MDN1: variants seen among roughly 807,000 people sequenced by gnomAD.
MDN1 encodes the protein midasin.
Under a neutral mutation model 669.2 loss-of-function variants are expected in MDN1, and 266 were observed. The observed-to-expected ratio is 0.40, with a 90% CI of 0.36 to 0.44. The LOEUF is 0.44. Among genes scored for constraint, MDN1 ranks in the 20% least tolerant of loss-of-function variants. MDN1 has a pLI of 1.00. For synonymous variants in MDN1, 2,385 were observed against 2,457.1 expected (o/e 0.97, Z 0.87); for missense variants, 5,940 against 6,754.0 (o/e 0.88, Z 4.22).
intron 31 of MDN1, among the ~76,000 whole-genome samples, chr6:89,741,823 G>A (rs189278977): frequency 4.6e-5 from 7 of 152,222 alleles, no homozygotes; most frequent in East Asian, 1.9e-4. Flanking sequence ...AGCCTCGGCC[G>A]GGCACAGTGG....
At chr6:89,719,397 T>C (rs1814658629) in intron 40 of MDN1, among the ~76,000 whole-genome samples, 172 bp from the exon 41 acceptor site, 1 of 152,372 alleles carries the variant, frequency 6.6e-6, no homozygotes, top group Admixed American at 6.5e-5. Context: ...ATTTATTTAA[T>C]TCTTTGGAAT....
intron 10 of MDN1, 93 bp downstream of exon 10, chr6:89,781,306 G>A (rs746534906): frequency 1.6e-6 from 2 of 1,274,884 alleles, no homozygotes; most frequent in Non-Finnish European, 2.2e-6. Flanking sequence ...AGCCAAAACT[G>A]CACCACTGCA....
chr6:89,695,605 C>A lies in MDN1; in HGVS notation c.9771G>T (p.Glu3257Asp). The change falls in exon 61 of 102, where the codon GAG becomes GAT. Residue 3257 changes from glutamate to aspartate, a missense_variant and splice_region_variant. By Grantham distance (45) the Glu-to-Asp change is conservative (BLOSUM62 2). Coordinates refer to ENST00000369393, the MANE Select transcript of MDN1 (RefSeq NM_014611.3). This position sits in a 1 kb window ranked among gnomAD's most constrained non-coding sequence, Gnocchi z 4.1. ...TGCTCCATACTCTTGCCTCCCATAC[C>A]TCTTCCTTGACGTAATTGAGCTTGT... ...REYKLNYVKEELHQLQCEWKT... is the reference protein window; with the variant it reads ...REYKLNYVKEDLHQLQCEWKT... The A allele has an allele frequency of 6.3e-7, 1 of 1,586,720 alleles. No individual in the cohort carries two copies. The highest frequency in any genetic ancestry group is 1.1e-5 in the South Asian group (1 of 88,098).
chr6:89,748,866 C>T (rs1052627172), intron 26 of MDN1, among the ~76,000 whole-genome samples: 1 of 150,414 alleles, frequency 6.6e-6, no homozygotes, highest in African/African-American at 2.5e-5. Flanking sequence ...TCGAGACCAG[C>T]CGGGGCAACA....
At chr6:89,735,377 T>C (rs1815904427) in intron 33 of MDN1, among the ~76,000 whole-genome samples, 1 of 151,130 alleles carries the variant, frequency 6.6e-6, no homozygotes, top group East Asian at 1.9e-4. Flanking sequence ...AACCTTTTTT[T>C]TTTTTTTTTT....
intron 58 of MDN1, 61 bp downstream of exon 58, chr6:89,699,540 T>A: frequency 4.6e-6 from 7 of 1,531,086 alleles, no homozygotes; most frequent in Non-Finnish European, 6.2e-6. Context: ...AACCAGTCTG[T>A]CAAAGAAAAT....
chr6:89,800,561 T>G, intron 2 of MDN1, among the ~76,000 whole-genome samples: 1 of 152,192 alleles, frequency 6.6e-6, no homozygotes, highest in Admixed American at 6.6e-5. Context: ...CCCCCATACC[T>G]TGTCCTGTGC....
At chr6:89,764,375 C>T (rs930341062) in intron 15 of MDN1, among the ~76,000 whole-genome samples, 1 of 152,000 alleles carries the variant, frequency 6.6e-6, no homozygotes, top group East Asian at 1.9e-4. Context: ...GGAGGCTAAA[C>T]AGGTGGATTG....
chr6:89,819,029 C>T (rs931963919), intron 1 of MDN1, among the ~76,000 whole-genome samples: 2 of 152,176 alleles, frequency 1.3e-5, no homozygotes, highest in Non-Finnish European at 2.9e-5. Flanking sequence ...GAGATCGTAA[C>T]GAATTTATCT....
chr6:89,671,369 T>G (rs1810744855), intron 82 of MDN1, among the ~76,000 whole-genome samples: 2 of 152,242 alleles, frequency 1.3e-5, no homozygotes. Flanking sequence ...GCACAGTGGC[T>G]CACGCCTTTA....
At chr6:89,793,047 G>C (rs1433737335) in intron 5 of MDN1, among the ~76,000 whole-genome samples, 2 of 152,122 alleles carry the variant, frequency 1.3e-5, no homozygotes, top group African/African-American at 2.4e-5. Flanking sequence ...TATGGAAAAA[G>C]AGACTGGCTC....
rs763705273 is a variant in MDN1 at position 89,693,033 on chromosome 6, A to G, written c.9997T>C (p.Tyr3333His). The change falls in exon 63 of 102, where the codon TAC (tyrosine) becomes CAC (histidine). Residue 3333 changes from tyrosine (Y) to histidine (H), a missense_variant. Tyr to His is a moderately conservative substitution (Grantham distance 83, BLOSUM62 2). Transcript: ENST00000369393. ...YESLVQEIHH[Y>H]VTSIAKAPAV... ...GGGGCCTTGGCGATGCTGGTGACGT[A>G]GTGGTGGATCTCCTGAACCAGGGAC... is the stretch of plus-strand genomic sequence containing the variant. 1.0e-4 allele frequency: 161 copies of G among 1,614,074 alleles called. 4 individuals are homozygous for G. Among genetic ancestry groups the G allele is most frequent in the South Asian group, 9.3e-4 (85 of 91,092 alleles).
intron 1 of MDN1, chr6:89,814,908 C>T (rs1768710727): frequency 4.1e-6 from 2 of 484,872 alleles, no homozygotes; most frequent in Admixed American, 5.0e-5. Context: ...AGGGTCAGGG[C>T]AGTAAGAGAC....
Position 89,672,230 on chromosome 6 carries a change from G to A in MDN1, c.13764C>T (p.Tyr4588=), listed in dbSNP as rs114466042. ...GCTTTGCTGCTGTGCCATCCTCACC[G>A]TACGATTTCAGCCTCTCCAACAGCT... The part of the protein sequence containing the change: ...ISELLERLKS[Y]GEDGTAAKHL... Residue 4588 remains tyrosine, a synonymous_variant, in exon 82 of 102, where the codon TAC becomes TAT. Transcript: ENST00000369393. 198 of 1,600,108 alleles carry A rather than the reference G, an allele frequency of 1.2e-4. No individual in the cohort carries two copies. Among genetic ancestry groups the A allele is most frequent in the Middle Eastern group, 1.7e-4 (1 of 6,014 alleles).
intron 34 of MDN1, among the ~76,000 whole-genome samples, chr6:89,731,659 T>C (rs1235520358): frequency 2.0e-5 from 3 of 152,032 alleles, no homozygotes; most frequent in Non-Finnish European, 4.4e-5. Flanking sequence ...ACCTAATGCA[T>C]GAGGAGCTTA....
chr6:89,673,962 CA>C, intron 79 of MDN1, 141 bp downstream of exon 79: 2 of 889,808 alleles, frequency 2.2e-6, no homozygotes, highest in Non-Finnish European at 3.3e-6. Flanking sequence ...CCCCATCCCC[CA>C]AACCGACGAG....
intron 13 of MDN1, among the ~76,000 whole-genome samples, 161 bp from the exon 14 acceptor site, chr6:89,772,882 C>G (rs1013914664): frequency 2.6e-5 from 4 of 152,184 alleles, no homozygotes; most frequent in Non-Finnish European, 5.9e-5. Flanking sequence ...ACAAAAATTA[C>G]AGAATTTAGT....
intron 2 of MDN1, among the ~76,000 whole-genome samples, chr6:89,801,645 G>A (rs967353060): frequency 6.4e-5 from 9 of 140,432 alleles, no homozygotes; most frequent in Non-Finnish European, 9.0e-5. Context: ...GTGAGACTCC[G>A]TCTCAAAAAA....
intron 17 of MDN1, among the ~76,000 whole-genome samples, chr6:89,760,259 G>A (rs1031921268): frequency 6.6e-6 from 1 of 152,058 alleles, no homozygotes; most frequent in Non-Finnish European, 1.5e-5. Context: ...TAACCAAGTT[G>A]ATCCTTCCTA....
Sources: gnomAD v4.1 joint callset for allele counts (sites outside exome capture counted in the v4.1 genomes callset) on GRCh38, gnomAD v4.1.1 for gene constraint, Gnocchi (gnomAD v3.1) non-coding constraint, MANE v1.5 for transcripts, NCBI Gene and HGNC (gene_info 2026-07-23, HGNC 2026-07-21) for gene names.